Variants in DYSF observed in about 807,000 individuals in gnomAD.
DYSF encodes dysferlin.
Under a neutral mutation model 274.9 loss-of-function variants are expected in DYSF, and 212 were observed. That is an observed-to-expected ratio of 0.77 (90% confidence interval 0.69 to 0.86). DYSF has a LOEUF of 0.86. Ranked by LOEUF, DYSF falls within the 40% of genes least tolerant of loss-of-function variation. DYSF has a pLI of 0.00. For missense variants in DYSF, 2,666 were observed against 2,783.2 expected (o/e 0.96, Z 0.95); for synonymous variants, 1,091 against 1,078.7 (o/e 1.01, Z -0.22).
chr2:71,495,801 G>A (rs1192834739), intron 3 of DYSF, among the ~76,000 whole-genome samples: 3 of 152,072 alleles, frequency 2.0e-5, no homozygotes, highest in Admixed American at 6.5e-5. Context: ...CACTGGGGCA[G>A]GGGCTCTGCT....
Position 71,569,853 on chromosome 2 carries a change from C to G in DYSF, c.2898C>G (p.Ser966Arg), listed in dbSNP as rs761960980. Reference protein sequence around the residue: ...LLHDMDAGHLSFVEEVFENQT... With the variant: ...LLHDMDAGHLRFVEEVFENQT... ...ATGACATGGACGCCGGTCACCTGAGCTTCGTGGAAGAGGTGTTTGAGAACC... is the reference window on the plus strand; with the variant it reads ...ATGACATGGACGCCGGTCACCTGAGGTTCGTGGAAGAGGTGTTTGAGAACC... Residue 966 changes from serine to arginine, a missense_variant, in exon 27 of 56, where the codon AGC (serine) becomes AGG (arginine). Around this residue, in one of 3 missense-constraint regions of DYSF, gnomAD observed 412 missense variants for 504.0 expected, o/e 0.82. Coordinates refer to ENST00000410020, the MANE Select transcript of DYSF (RefSeq NM_001130987.2). 1 of 1,614,138 alleles carries G rather than the reference C, an allele frequency of 6.2e-7. No individual in the cohort carries two copies. Among genetic ancestry groups the G allele is most frequent in the Non-Finnish European group, 8.5e-7 (1 of 1,180,032 alleles).
intron 14 of DYSF, 35 bp from the exon 15 acceptor site, chr2:71,534,986 G>A (rs1291688581): frequency 6.2e-7 from 1 of 1,612,676 alleles, no homozygotes; most frequent in Non-Finnish European, 8.5e-7. Flanking sequence ...TCCCCATGGA[G>A]CTTGATCAAC....
At chr2:71,553,962 G>T (rs1489454217) in intron 21 of DYSF, 31 bp downstream of exon 21, 1 of 1,613,882 alleles carries the variant, frequency 6.2e-7, no homozygotes, top group Non-Finnish European at 8.5e-7. Context: ...AGCTGCACAT[G>T]CCTATGCATG....
intron 40 of DYSF, among the ~76,000 whole-genome samples, chr2:71,617,671 T>TGTGTGTGGTAGAGGTGGGGTGTGTGC (rs1318719279): frequency 1.4e-5 from 2 of 139,006 alleles, no homozygotes; most frequent in Non-Finnish European, 3.1e-5. Context: ...AGGTGGGGTG[T>TGTGTGTGGTAGAGGTGGGGTGTGTGC]GTGTGTGGTA....
intron 3 of DYSF, among the ~76,000 whole-genome samples, chr2:71,489,530 C>CA: frequency 6.6e-6 from 1 of 152,220 alleles, no homozygotes. Flanking sequence ...TGGGCGGAGG[C>CA]AAGGGTGGCC....
rs368601323 is a variant in DYSF, at chr2:71,611,582, C to T, written c.4177C>T (p.Arg1393Trp). ...TVQSCVIRNLRKNPNFDICTL... is the reference protein window; with the variant it reads ...TVQSCVIRNLWKNPNFDICTL... ...GCAGTCCTGTGTCATCAGGAACCTC[C>T]GGAAGAACCCCAACTTTGACATCTG... Residue 1393 changes from arginine to tryptophan, a missense_variant, in exon 38 of 56, where the codon CGG becomes TGG. Arg to Trp is a moderately radical substitution (Grantham distance 101, BLOSUM62 -3). Around this residue, in one of 3 missense-constraint regions of DYSF, gnomAD observed 1,460 missense variants for 1,502.1 expected, o/e 0.97. Coordinates refer to ENST00000410020, the MANE Select transcript of DYSF (RefSeq NM_001130987.2). 30 of 1,613,986 alleles carry T rather than the reference C, an allele frequency of 1.9e-5. 1 individual carries two copies. Among genetic ancestry groups the T allele is most frequent in the South Asian group, 1.2e-4 (11 of 91,072 alleles).
chr2:71,523,878 C>T (rs971764670), intron 12 of DYSF, among the ~76,000 whole-genome samples: 1 of 152,118 alleles, frequency 6.6e-6, no homozygotes, highest in Non-Finnish European at 1.5e-5. Context: ...GGTAGAATCA[C>T]GCGTGTCTCC....
intron 45 of DYSF, among the ~76,000 whole-genome samples, chr2:71,663,697 C>T (rs1018192646): frequency 6.6e-6 from 1 of 152,184 alleles, no homozygotes; most frequent in Non-Finnish European, 1.5e-5. Flanking sequence ...CAAGAGCTCT[C>T]GCCAGAGAAA....
At chr2:71,504,745 C>T (rs936230341) in intron 4 of DYSF, among the ~76,000 whole-genome samples, 3 of 152,364 alleles carry the variant, frequency 2.0e-5, no homozygotes, top group Non-Finnish European at 1.5e-5. Context: ...TCCTGCCCTT[C>T]GGTCCCTTCC....
intron 8 of DYSF, 103 bp downstream of exon 8, chr2:71,515,854 G>T (rs1035783019): frequency 6.6e-7 from 1 of 1,521,776 alleles, no homozygotes; most frequent in Non-Finnish European, 8.9e-7. Flanking sequence ...TACGTATGGC[G>T]CTGACCTTGG....
chr2:71,525,481 C>A (rs1321476929), intron 12 of DYSF, among the ~76,000 whole-genome samples: 1 of 152,164 alleles, frequency 6.6e-6, no homozygotes, highest in African/African-American at 2.4e-5. Context: ...GCCTCGGCCT[C>A]CCAGAGTGCT....
intron 47 of DYSF, among the ~76,000 whole-genome samples, chr2:71,667,107 A>G (rs1262157269): frequency 6.6e-6 from 1 of 152,188 alleles, no homozygotes; most frequent in Admixed American, 6.5e-5. Flanking sequence ...ATGGTGGAAA[A>G]TAGGAATAAA....
rs976929358 is a variant in DYSF at position 71,674,565 on chromosome 2, A to G, written c.5884+269A>G. On this transcript the variant is annotated intron_variant, in intron 52 of 55. Coordinates refer to ENST00000410020, the MANE Select transcript of DYSF (RefSeq NM_001130987.2). The stretch of plus-strand genomic sequence containing the variant: ...GGCCATGTTGGATGATGGGACTCAG[A>G]TATGTAAGTAAGCGAGGGACGCAAG... Among the ~76,000 whole-genome samples, 26 of 152,192 alleles carry G rather than the reference A, an allele frequency of 1.7e-4. No homozygotes were observed. The highest frequency in any genetic ancestry group is 6.3e-4 in the African/African-American group (26 of 41,440).
chr2:71,633,642 T>A (rs1375110073), intron 41 of DYSF, among the ~76,000 whole-genome samples: 3 of 152,194 alleles, frequency 2.0e-5, no homozygotes, highest in Admixed American at 6.5e-5. Flanking sequence ...AGGATGTCTA[T>A]CTCTGGGTTG....
chr2:71,678,656 C>CT (rs1234219896), intron 52 of DYSF, among the ~76,000 whole-genome samples: 1 of 151,974 alleles, frequency 6.6e-6, no homozygotes, highest in Non-Finnish European at 1.5e-5. Context: ...GAATTGTACA[C>CT]TTAACATGGT....
chr2:71,526,425 C>CTGGGGTGGGGGGGGGGGGGTTGGGGGGGG, intron 13 of DYSF, 79 bp downstream of exon 13: 1 of 360,048 alleles, frequency 2.8e-6, no homozygotes, highest in Non-Finnish European at 5.2e-6. Context: ...CGATGGCGGG[C>CTGGGGTGGGGGGGGGGGGGTTGGGGGGGG]GGGGTCAGCT....
At chr2:71,527,791 A>G (rs2088124298) in intron 13 of DYSF, among the ~76,000 whole-genome samples, 1 of 152,190 alleles carries the variant, frequency 6.6e-6, no homozygotes, top group African/African-American at 2.4e-5. Context: ...CTGTATCTAC[A>G]TATATAAATA....
chr2:71,555,545 C>G (rs554639340), intron 21 of DYSF, among the ~76,000 whole-genome samples: 1 of 152,204 alleles, frequency 6.6e-6, no homozygotes, highest in South Asian at 2.1e-4. Flanking sequence ...GGAGGGCGCT[C>G]TTAGTCTGAG....
chr2:71,510,548 G>T (rs572012125), intron 4 of DYSF, among the ~76,000 whole-genome samples: 1 of 152,322 alleles, frequency 6.6e-6, no homozygotes, highest in Non-Finnish European at 1.5e-5. Flanking sequence ...TCTGAGCCCT[G>T]CTTTCCACCA....
Sources: allele counts gnomAD v4.1 joint callset (sites outside exome capture counted in the v4.1 genomes callset), GRCh38; gene constraint gnomAD v4.1.1; regional missense constraint gnomAD v4.1.1; transcripts MANE v1.5; gene names NCBI Gene and HGNC (gene_info 2026-07-23, HGNC 2026-07-21).